The following VPS13C variants were observed in gnomAD, a reference collection of about 807,000 sequenced individuals.
The protein encoded by VPS13C is intermembrane lipid transfer protein VPS13C.
In VPS13C, 358 loss-of-function variants were observed where a neutral mutation model predicts 456.8. The observed-to-expected ratio is 0.78, with a 90% CI of 0.72 to 0.86. The LOEUF is 0.86. Among genes scored for constraint, VPS13C ranks in the 40% least tolerant of loss-of-function variants. The pLI is 0.00. For synonymous variants in VPS13C, 1,578 were observed against 1,486.7 expected (o/e 1.06, Z -1.41); for missense variants, 4,818 against 4,385.4 (o/e 1.10, Z -2.79).
At chr15:61,914,749 C>G (rs368748896) in intron 61 of VPS13C, among the ~76,000 whole-genome samples, 1 of 150,828 alleles carries the variant, frequency 6.6e-6, no homozygotes, top group Non-Finnish European at 1.5e-5. Context: ...TTAGTAGAGA[C>G]GGGGTTTCAC....
intron 81 of VPS13C, chr15:61,866,923 TGAG>T (rs1232080455): frequency 2.0e-6 from 2 of 984,502 alleles, no homozygotes; most frequent in African/African-American, 1.7e-5. Context: ...GCTTCATTTC[TGAG>T]GAGAAGCATG....
chr15:62,001,918 T>C (rs1339114204), intron 15 of VPS13C, among the ~76,000 whole-genome samples: 5 of 152,196 alleles, frequency 3.3e-5, no homozygotes, highest in African/African-American at 1.2e-4. Context: ...TAGTCTATCA[T>C]TGTTGGACAT....
At chr15:61,903,246 G>A (rs531980671) in intron 66 of VPS13C, among the ~76,000 whole-genome samples, 2 of 151,942 alleles carry the variant, frequency 1.3e-5, no homozygotes, top group East Asian at 3.9e-4. Context: ...ACTGAAGGGA[G>A]AATTACTTGA....
intron 53 of VPS13C, among the ~76,000 whole-genome samples, chr15:61,924,499 A>G (rs977619290): frequency 1.4e-4 from 22 of 152,202 alleles, no homozygotes; most frequent in African/African-American, 5.1e-4. Context: ...ATACACAGTA[A>G]AAGCTCAAAA....
chr15:61,959,905 C>T (rs1362831265), intron 35 of VPS13C, among the ~76,000 whole-genome samples: 1 of 151,974 alleles, frequency 6.6e-6, no homozygotes, highest in Non-Finnish European at 1.5e-5. Context: ...TACAGTTGTT[C>T]AAGGATTAAT....
chr15:61,947,574 C>T (rs2044649056), intron 42 of VPS13C, among the ~76,000 whole-genome samples: 1 of 126,628 alleles, frequency 7.9e-6, no homozygotes, highest in Non-Finnish European at 1.7e-5. Flanking sequence ...TAGATGGAAA[C>T]TTTACTACAA....
chr15:62,030,559 T>C (rs1029340489), intron 5 of VPS13C, among the ~76,000 whole-genome samples: 1 of 152,172 alleles, frequency 6.6e-6, no homozygotes, highest in African/African-American at 2.4e-5. Context: ...CAGGTATTCC[T>C]TTATAGCAAT....
At chr15:61,928,199 A>G (rs1402879649) in intron 51 of VPS13C, among the ~76,000 whole-genome samples, 2 of 152,186 alleles carry the variant, frequency 1.3e-5, no homozygotes, top group African/African-American at 2.4e-5. Context: ...TAATAATAAT[A>G]ATAAAAAAGA....
intron 1 of VPS13C, among the ~76,000 whole-genome samples, chr15:62,050,806 A>C (rs929131273): frequency 8.5e-6 from 1 of 118,154 alleles, no homozygotes; most frequent in Non-Finnish European, 1.9e-5. Context: ...ACCCAGTCTC[A>C]AAAAAAAAAA....
At chr15:61,929,369 T>G in intron 51 of VPS13C, 132 bp downstream of exon 51, 1 of 1,263,312 alleles carries the variant, frequency 7.9e-7, no homozygotes, top group African/African-American at 1.5e-5. Flanking sequence ...AAAGCTAAAG[T>G]TTTTATATAG....
intron 66 of VPS13C, among the ~76,000 whole-genome samples, chr15:61,901,145 A>G (rs2140113015): frequency 6.6e-6 from 1 of 151,400 alleles, no homozygotes; most frequent in Non-Finnish European, 1.5e-5. Context: ...TAGACCTAAA[A>G]CCATAAAAAC....
intron 62 of VPS13C, among the ~76,000 whole-genome samples, chr15:61,913,102 C>A (rs1391175107): frequency 6.6e-6 from 1 of 150,770 alleles, no homozygotes; most frequent in South Asian, 2.1e-4. Context: ...ACTAGTTCAA[C>A]CATTGTGGAA....
chr15:61,913,439 C>T, intron 61 of VPS13C, 24 bp from the exon 62 acceptor site: 2 of 1,579,042 alleles, frequency 1.3e-6, no homozygotes, highest in South Asian at 1.1e-5. Flanking sequence ...CACATATCGT[C>T]ATATAAGAAA....
intron 37 of VPS13C, among the ~76,000 whole-genome samples, chr15:61,956,905 C>T (rs2045021106): frequency 6.6e-6 from 1 of 152,074 alleles, no homozygotes; most frequent in Non-Finnish European, 1.5e-5. Flanking sequence ...GCACAAGTTA[C>T]TGAAGCTAAA....
intron 66 of VPS13C, among the ~76,000 whole-genome samples, chr15:61,894,570 A>G (rs923547060): frequency 6.6e-6 from 1 of 152,174 alleles, no homozygotes; most frequent in Non-Finnish European, 1.5e-5. Context: ...AAGAAAAAAA[A>G]AAGAGTAGGA....
At chr15:61,922,275 A>C in intron 54 of VPS13C, 122 bp downstream of exon 54, 3 of 1,274,142 alleles carry the variant, frequency 2.4e-6, no homozygotes, top group Non-Finnish European at 2.2e-6. Flanking sequence ...TAAATGTCAG[A>C]ACACACTATC....
At chr15:62,004,927 A>T (rs1196152498) in intron 15 of VPS13C, among the ~76,000 whole-genome samples, 3 of 151,752 alleles carry the variant, frequency 2.0e-5, no homozygotes, top group Non-Finnish European at 4.4e-5. Flanking sequence ...TGCTGAGGAG[A>T]GCTTTACTTC....
intron 53 of VPS13C, 55 bp from the exon 54 acceptor site, chr15:61,922,817 T>C: frequency 1.4e-6 from 2 of 1,410,270 alleles, no homozygotes; most frequent in East Asian, 4.8e-5. Flanking sequence ...CAGATGAGAA[T>C]ATATACATAC....
At position 61,964,823 on chromosome 15, in the gene VPS13C, T is replaced by C; in HGVS notation, c.3090A>G (p.Gln1030=). ...FSSLNLLLQT[Q]ALVASINYLT... ...GGTAATTAATAGAAGCGACAAGAGC[T>C]TGTGTTTGCAGCAACAGATTTAAAG... is the stretch of plus-strand genomic sequence containing the variant. Residue 1030 remains glutamine (Q), a synonymous_variant, in exon 31 of 85, where the codon CAA becomes CAG. Coordinates refer to ENST00000644861, the MANE Select transcript of VPS13C (RefSeq NM_020821.3). The C allele has an allele frequency of 6.2e-7, 1 of 1,608,988 alleles. No individual in the cohort carries two copies. The highest frequency in any genetic ancestry group is 8.5e-7 in the Non-Finnish European group (1 of 1,178,140).
Sources: allele counts gnomAD v4.1 joint callset (sites outside exome capture counted in the v4.1 genomes callset), GRCh38; gene constraint gnomAD v4.1.1; transcripts MANE v1.5; gene names NCBI Gene and HGNC (gene_info 2026-07-23, HGNC 2026-07-21).